ADGRL2: variants seen among roughly 807,000 people sequenced by gnomAD.
ADGRL2 encodes adhesion G protein-coupled receptor L2.
Under a neutral mutation model 157.4 loss-of-function variants are expected in ADGRL2, and 44 were observed. The ratio of observed to expected loss-of-function variants is 0.28; its 90% CI spans 0.22 to 0.36. The LOEUF is 0.36. Ranked by LOEUF, ADGRL2 falls within the 10% of genes least tolerant of loss-of-function variation. The pLI is 1.00. For missense variants in ADGRL2, 1,510 were observed against 1,768.9 expected, an observed-to-expected ratio of 0.85 and a Z score of 2.63; for synonymous variants, 585 against 624.7, an observed-to-expected ratio of 0.94 and a Z score of 0.95.
intron 2 of ADGRL2, among the ~76,000 whole-genome samples, chr1:81,491,556 G>A (rs2147952565): frequency 6.6e-6 from 1 of 152,132 alleles, no homozygotes; most frequent in African/African-American, 2.4e-5. Context: ...ACAAACAGAA[G>A]GGATTCCAAC....
intron 1 of ADGRL2, among the ~76,000 whole-genome samples, chr1:81,396,204 T>C (rs2101184468): frequency 6.6e-6 from 1 of 152,340 alleles, no homozygotes; most frequent in East Asian, 1.9e-4. Context: ...GTTCTCCTTG[T>C]AGAGATCTTT....
At chr1:81,589,277 G>T (rs2081086185) in intron 3 of ADGRL2, among the ~76,000 whole-genome samples, 1 of 151,926 alleles carries the variant, frequency 6.6e-6, no homozygotes, top group Non-Finnish European at 1.5e-5. Context: ...TTATCCATAT[G>T]GTCCACAAAG....
rs771573199 is a variant in ADGRL2, at chr1:81,459,831, T to TAC, written c.-248+14754_-248+14755dup. Among the ~76,000 whole-genome samples, 24 of 100,968 alleles carry TAC rather than the reference T, an allele frequency of 2.4e-4. 1 individual carries two copies. In the East Asian group the frequency reaches 5.7e-3, roughly 24 times the overall value. 66.2% of individuals were successfully genotyped at this position (100,968 alleles called of 152,430 possible). A position where few individuals can be genotyped will look rare whatever the true frequency, so the allele number is the denominator to read the frequency against. On this transcript the variant is annotated intron_variant, in intron 2 of 24. Transcript: ENST00000370721. ...GTGTTTGTATATATATATATATATA[T>TAC]ACACACACACACATACACACACTAA...
At chr1:81,462,964 AATT>A (rs2077970265) in intron 2 of ADGRL2, among the ~76,000 whole-genome samples, 1 of 151,780 alleles carries the variant, frequency 6.6e-6, no homozygotes, top group Non-Finnish European at 1.5e-5. Flanking sequence ...AAAATACAAA[AATT>A]AGCCCTGAGG....
At chr1:81,481,513 G>T (rs1480799056) in intron 2 of ADGRL2, among the ~76,000 whole-genome samples, 1 of 152,196 alleles carries the variant, frequency 6.6e-6, no homozygotes, top group Non-Finnish European at 1.5e-5. Context: ...ACTGCCTGGG[G>T]CAGGACCAGC....
At chr1:81,401,713 T>G (rs2076758995) in intron 1 of ADGRL2, among the ~76,000 whole-genome samples, 2 of 152,174 alleles carry the variant, frequency 1.3e-5, no homozygotes, top group South Asian at 4.1e-4. Flanking sequence ...AGGAAATGTC[T>G]TAGTTGTCCC....
At chr1:81,676,025 G>A (rs2082981412) in intron 3 of ADGRL2, among the ~76,000 whole-genome samples, 2 of 151,886 alleles carry the variant, frequency 1.3e-5, no homozygotes, top group Admixed American at 1.3e-4. Context: ...TTTTGAGACG[G>A]AGTTTTGCTC....
At chr1:81,741,726 TGTG>T (rs2085079173) in intron 1 of ADGRL2, among the ~76,000 whole-genome samples, 1 of 151,996 alleles carries the variant, frequency 6.6e-6, no homozygotes. Flanking sequence ...ATGTTATCAG[TGTG>T]GTGATTATTT....
intron 3 of ADGRL2, among the ~76,000 whole-genome samples, chr1:81,621,124 C>G (rs76554848): frequency 1.3e-5 from 2 of 151,962 alleles, no homozygotes; most frequent in Admixed American, 1.3e-4. Flanking sequence ...AGCTGAAGTG[C>G]TTTCCTCTCT....
intron 8 of ADGRL2, 98 bp downstream of exon 8, chr1:81,951,219 T>A: frequency 1.3e-6 from 1 of 782,400 alleles, no homozygotes; most frequent in Non-Finnish European, 2.1e-6. Context: ...GCTTTATTGC[T>A]CTTTGTTCAG....
chr1:81,651,425 A>G (rs974582523), intron 3 of ADGRL2, among the ~76,000 whole-genome samples: 1 of 152,234 alleles, frequency 6.6e-6, no homozygotes, highest in African/African-American at 2.4e-5. Flanking sequence ...ACGCTGGTTG[A>G]TAAGTGTAAT....
At chr1:81,787,301 TAATC>T (rs1242709683) in intron 2 of ADGRL2, among the ~76,000 whole-genome samples, 4 of 152,164 alleles carry the variant, frequency 2.6e-5, no homozygotes, top group Non-Finnish European at 5.9e-5. Context: ...AATATGAAAA[TAATC>T]AAAATCATTA....
rs543853176 is a variant in ADGRL2 at position 81,426,815 on chromosome 1, C to T, written c.-301-18221C>T. 38 of 512,872 alleles carry T rather than the reference C, an allele frequency of 7.4e-5. 1 individual carries two copies. The highest frequency in any genetic ancestry group is 6.1e-4 in the South Asian group (38 of 62,090). The allele number at this position is 512,872 out of a possible 1,614,324, so 31.8% of individuals were successfully genotyped here. On this transcript the variant is annotated intron_variant, in intron 1 of 24. Coordinates refer to the ADGRL2 transcript ENST00000370721. ...AGAGAGGAGTCGATAAAGCCTGATGCCCATCTACCAGTGAAGAAAAATTTC... is the reference window on the plus strand; with the variant it reads ...AGAGAGGAGTCGATAAAGCCTGATGTCCATCTACCAGTGAAGAAAAATTTC...
At chr1:81,590,487 C>G (rs748290360) in intron 3 of ADGRL2, among the ~76,000 whole-genome samples, 2 of 151,990 alleles carry the variant, frequency 1.3e-5, no homozygotes, top group Non-Finnish European at 2.9e-5. Flanking sequence ...CCCTGTGGCC[C>G]CTGTTAATCA....
chr1:81,331,807 A>G (rs1661286308), intron 1 of ADGRL2, among the ~76,000 whole-genome samples: 2 of 152,180 alleles, frequency 1.3e-5, no homozygotes, highest in Non-Finnish European at 2.9e-5. Flanking sequence ...ATTATGATGT[A>G]AAATGTAATA....
chr1:81,416,144 C>G (rs768730101), intron 1 of ADGRL2, among the ~76,000 whole-genome samples: 12 of 152,092 alleles, frequency 7.9e-5, no homozygotes, highest in East Asian at 1.9e-4. Context: ...GCCACTGTGC[C>G]TGGCCGGTCT....
At chr1:81,607,515 G>A (rs2081458782) in intron 3 of ADGRL2, among the ~76,000 whole-genome samples, 2 of 152,170 alleles carry the variant, frequency 1.3e-5, no homozygotes, top group Non-Finnish European at 2.9e-5. Flanking sequence ...ACTGCACGTG[G>A]AAGGATGAAT....
intron 2 of ADGRL2, among the ~76,000 whole-genome samples, chr1:81,572,529 A>G (rs916697839): frequency 2.0e-5 from 3 of 152,190 alleles, no homozygotes; most frequent in Admixed American, 2.0e-4. Context: ...TTAACTTCAC[A>G]TTAAACAGAA....
In ADGRL2 at chr1:81,840,605, C is replaced by T. The variant is rs568781748; in HGVS notation, c.73+3548C>T. On this transcript the variant is annotated intron_variant, in intron 2 of 23. Transcript: ENST00000686636. ...GTTTAATTGTTATATCTATCTATCT[C>T]TATTTTGAATCAAGTCTTACCCATT... Among the ~76,000 whole-genome samples, 6 of 152,152 alleles carry T rather than the reference C, an allele frequency of 3.9e-5. No homozygotes were observed. In the South Asian group the frequency reaches 1.2e-3, roughly 32 times the overall value.
Sources: allele counts gnomAD v4.1 joint callset (sites outside exome capture counted in the v4.1 genomes callset), GRCh38; gene constraint gnomAD v4.1.1; transcripts MANE v1.5; gene names NCBI Gene and HGNC (gene_info 2026-07-23, HGNC 2026-07-21).